Variants in FAM110B observed in about 807,000 individuals in gnomAD.
FAM110B encodes the protein family with sequence similarity 110 member B, also known as protein FAM110B.
In FAM110B, 6 loss-of-function variants were observed where a neutral mutation model predicts 20.4. The observed-to-expected ratio is 0.29, with a 90% CI of 0.16 to 0.58. The LOEUF (loss-of-function observed/expected upper bound fraction) is 0.58. Ranked by LOEUF, FAM110B falls within the 20% of genes least tolerant of loss-of-function variation. FAM110B has a pLI of 0.90. For missense variants in FAM110B, 434 were observed against 498.2 expected (o/e 0.87, Z 1.23); for synonymous variants, 226 against 214.1 (o/e 1.06, Z -0.49).
At chr8:58,036,179 G>A (rs982025897) in intron 2 of FAM110B, among the ~76,000 whole-genome samples, 1 of 152,178 alleles carries the variant, frequency 6.6e-6, no homozygotes, top group African/African-American at 2.4e-5. Flanking sequence ...ACCTCTTAGA[G>A]TGGTTTTATC....
At chr8:58,027,155 A>G (rs1478972423) in intron 1 of FAM110B, among the ~76,000 whole-genome samples, 1 of 152,216 alleles carries the variant, frequency 6.6e-6, no homozygotes, top group Non-Finnish European at 1.5e-5. Context: ...GAAGAAATTT[A>G]TTGTAGACTA....
chr8:58,089,756 A>C (rs1202565271), intron 3 of FAM110B, among the ~76,000 whole-genome samples: 1 of 152,170 alleles, frequency 6.6e-6, no homozygotes, highest in Admixed American at 6.5e-5. Context: ...GCTCTTATTT[A>C]TTTTTGATCA....
intron 3 of FAM110B, chr8:58,091,737 T>C (rs1481577229): frequency 6.6e-6 from 1 of 152,212 alleles, no homozygotes; most frequent in Non-Finnish European, 1.5e-5. Flanking sequence ...TTTTTAATGG[T>C]GACCCTGAAA....
intron 2 of FAM110B, among the ~76,000 whole-genome samples, chr8:58,051,282 C>T (rs1341413948): frequency 1.3e-5 from 2 of 152,100 alleles, no homozygotes; most frequent in Admixed American, 6.5e-5. Context: ...GAGTTCGAGA[C>T]CAGAGGAGCA....
chr8:58,075,289 G>A (rs968918585), intron 2 of FAM110B, among the ~76,000 whole-genome samples: 5 of 149,832 alleles, frequency 3.3e-5, no homozygotes, highest in Admixed American at 2.7e-4. Context: ...GTGTGTGTGT[G>A]TGTGTGTTTT....
intron 3 of FAM110B, among the ~76,000 whole-genome samples, chr8:58,096,807 G>A (rs1806644070): frequency 6.6e-6 from 1 of 152,128 alleles, no homozygotes; most frequent in African/African-American, 2.4e-5. Flanking sequence ...ATGATGTTTA[G>A]TTTGGTTGGA....
intron 1 of FAM110B, among the ~76,000 whole-genome samples, chr8:58,025,207 G>T (rs1804830346): frequency 6.6e-6 from 1 of 152,198 alleles, no homozygotes; most frequent in Admixed American, 6.5e-5. Flanking sequence ...GATGAGCAAG[G>T]CACCATGGGC....
At chr8:58,047,568 A>G (rs1805350459) in intron 2 of FAM110B, among the ~76,000 whole-genome samples, 1 of 126,632 alleles carries the variant, frequency 7.9e-6, no homozygotes, top group African/African-American at 2.9e-5. Flanking sequence ...TACCTCATCA[A>G]ATTGTAATTA....
chr8:58,146,069 T>A lies in FAM110B; in HGVS notation c.-162T>A. 1 of 766,476 alleles carries A rather than the reference T, an allele frequency of 1.3e-6. No individual in the cohort carries two copies. The highest frequency in any genetic ancestry group is 2.0e-6 in the Non-Finnish European group (1 of 491,004). The allele number at this position is 766,476 out of a possible 1,614,324, so 47.5% of individuals were successfully genotyped here. A position where few individuals can be genotyped will look rare whatever the true frequency, so the allele number is the denominator to read the frequency against. On this transcript the variant is annotated 5_prime_UTR_variant, in exon 4 of 4. Transcript: ENST00000519262. The stretch of plus-strand genomic sequence containing the variant: ...AGTGTATGAAAGCCACCGTGGCGGT[T>A]AATGAGCTGTGAGATGAGGCGCTGC...
Position 58,148,429 on chromosome 8 carries a change from T to C in FAM110B, c.*1086T>C, listed in dbSNP as rs965051576. 4.2e-5 allele frequency: 7 copies of C among 167,100 alleles called. No homozygotes were observed. Among genetic ancestry groups the C allele is most frequent in the Non-Finnish European group, 7.3e-5 (5 of 68,124 alleles). 10.4% of individuals were successfully genotyped at this position (167,100 alleles called of 1,614,324 possible). ...ATTCTCTCAGGCTGTGGATCTTTGT[T>C]ACAGCTCTAGGAAACTGTAGAAATA... On this transcript the variant is annotated 3_prime_UTR_variant, in exon 4 of 4. Coordinates refer to ENST00000519262, the MANE Select transcript of FAM110B (RefSeq NM_001377989.1).
chr8:58,079,281 A>C (rs2150595835), intron 3 of FAM110B, among the ~76,000 whole-genome samples: 1 of 152,242 alleles, frequency 6.6e-6, no homozygotes, highest in South Asian at 2.1e-4. Context: ...TAAAAAGAGG[A>C]GGAGGAAAGG....
chr8:58,072,043 G>A (rs980875967), intron 2 of FAM110B, among the ~76,000 whole-genome samples: 6 of 152,142 alleles, frequency 3.9e-5, no homozygotes, highest in Admixed American at 3.3e-4. Flanking sequence ...CTTCTATGTG[G>A]ATGTGCAGAA....
At chr8:58,038,674 C>T (rs1333934531) in intron 2 of FAM110B, among the ~76,000 whole-genome samples, 1 of 151,956 alleles carries the variant, frequency 6.6e-6, no homozygotes, top group Non-Finnish European at 1.5e-5. Flanking sequence ...ATCATTTGAA[C>T]CTGGGAGGCA....
In FAM110B at chr8:58,147,621, A is replaced by ATGAAAATT. The variant is rs1803898476; in HGVS notation, c.*278_*279insTGAAAATT. On this transcript the variant is annotated 3_prime_UTR_variant, in exon 4 of 4. Transcript: ENST00000519262. Reference sequence around the variant, plus strand: ...AACTGTTTACATGAAAATGGTATACAACTTCTTCGATATTTATGTGGTTCT... The same window carrying ATGAAAATT: ...AACTGTTTACATGAAAATGGTATACATGAAAATTACTTCTTCGATATTTATGTGGTTCT... 2.3e-6 allele frequency: 1 copy of ATGAAAATT among 427,124 alleles called. No individual in the cohort carries two copies. The highest frequency in any genetic ancestry group is 4.2e-5 in the East Asian group (1 of 23,974). The allele number at this position is 427,124 out of a possible 1,614,324, so 26.5% of individuals were successfully genotyped here.
chr8:58,068,142 A>C (rs980633121), intron 2 of FAM110B, among the ~76,000 whole-genome samples: 2 of 152,228 alleles, frequency 1.3e-5, no homozygotes, highest in African/African-American at 4.8e-5. Flanking sequence ...TGGAAGTGTT[A>C]CTAGCCTGTA....
chr8:58,093,237 GA>G (rs1806530952), intron 3 of FAM110B, among the ~76,000 whole-genome samples: 1 of 152,148 alleles, frequency 6.6e-6, no homozygotes, highest in South Asian at 2.1e-4. Flanking sequence ...TTGCTATGCA[GA>G]AGCTCTTTAG....
chr8:58,083,258 G>T (rs999929290), intron 3 of FAM110B, among the ~76,000 whole-genome samples: 2 of 152,144 alleles, frequency 1.3e-5, no homozygotes, highest in Non-Finnish European at 2.9e-5. Flanking sequence ...CAAAAATGAA[G>T]TCAGAAACAA....
chr8:58,090,157 T>G (rs1157188593), intron 3 of FAM110B, among the ~76,000 whole-genome samples: 1 of 152,182 alleles, frequency 6.6e-6, no homozygotes, highest in Non-Finnish European at 1.5e-5. Flanking sequence ...TATTTTCTCT[T>G]TTTTGGGGGG....
intron 3 of FAM110B, among the ~76,000 whole-genome samples, chr8:58,093,764 G>GT (rs1363101126): frequency 6.6e-6 from 1 of 152,182 alleles, no homozygotes; most frequent in African/African-American, 2.4e-5. Flanking sequence ...ATTTACAGTA[G>GT]TTTTTTCTAA....
Sources: allele counts gnomAD v4.1 joint callset (sites outside exome capture counted in the v4.1 genomes callset), GRCh38; gene constraint gnomAD v4.1.1; transcripts MANE v1.5; gene names NCBI Gene and HGNC (gene_info 2026-07-23, HGNC 2026-07-21).